PARM1: variants seen among roughly 807,000 people sequenced by gnomAD.
PARM1 encodes prostate androgen-regulated mucin-like protein 1, also known as WSC4, cell wall integrity and stress response component 4 homolog.
A neutral mutation model predicts 24.6 loss-of-function variants in PARM1; 14 were observed. That is an observed-to-expected ratio of 0.57 (90% CI 0.38 to 0.89). PARM1 has a LOEUF of 0.89. PARM1 is among the 40% of genes least tolerant of loss of function. The pLI is 0.00. For synonymous variants in PARM1, 179 were observed against 156.6 expected, an observed-to-expected ratio of 1.14 and a Z score of -1.07; for missense variants, 362 against 380.4, an observed-to-expected ratio of 0.95 and a Z score of 0.40.
In PARM1 at chr4:75,012,747, G is replaced by A; in HGVS notation, c.366G>A (p.Leu122=). 1 of 1,613,958 alleles carries A rather than the reference G, an allele frequency of 6.2e-7. No homozygotes were observed. Among genetic ancestry groups the A allele is most frequent in the Non-Finnish European group, 8.5e-7 (1 of 1,179,882 alleles). ...GTGGAGTCCACTTAACAACCACGTT[G>A]GAGGAACACAGCTCGGGCACTCCTG... The part of the protein sequence containing the change: ...TSGGVHLTTT[L]EEHSSGTPEA... The change falls in exon 2 of 4, where the codon TTG becomes TTA. Residue 122 remains leucine (L), a synonymous_variant. Transcript: ENST00000307428.
In PARM1 at chr4:74,933,168, C is replaced by CGCCTCGTTT. The variant is rs1484868594; in HGVS notation, c.-153_-145dup. 8.4e-6 allele frequency: 5 copies of CGCCTCGTTT among 597,388 alleles called. No homozygotes were observed. Among genetic ancestry groups the CGCCTCGTTT allele is most frequent in the African/African-American group, 7.7e-5 (4 of 52,218 alleles). 37.0% of individuals were successfully genotyped at this position (597,388 alleles called of 1,614,324 possible). A position where few individuals can be genotyped will look rare whatever the true frequency, so the allele number is the denominator to read the frequency against. ...GCAGCTGACGGAGCTGCGCTGCGTT[C>CGCCTCGTTT]GCCTCGTTTGCCTCGCGCCCTCCAC... On this transcript the variant is annotated 5_prime_UTR_variant, in exon 1 of 4. Transcript: ENST00000307428.
In PARM1 at chr4:75,046,445, G is replaced by GGTGA; in HGVS notation, c.*202_*205dup. On this transcript the variant is annotated 3_prime_UTR_variant, in exon 4 of 4. Coordinates refer to ENST00000307428, the MANE Select transcript of PARM1 (RefSeq NM_015393.4). ...GGTACAAGAAGAACCATTCTTTAAAGGTGAGTGGAGGCTGATTTGCAGCTG... is the reference window on the plus strand; with the variant it reads ...GGTACAAGAAGAACCATTCTTTAAAGGTGAGTGAGTGGAGGCTGATTTGCAGCTG... 2.1e-6 allele frequency: 1 copy of GGTGA among 480,478 alleles called. No homozygotes were observed. Among genetic ancestry groups the GGTGA allele is most frequent in the Non-Finnish European group, 3.8e-6 (1 of 263,736 alleles). 29.8% of individuals were successfully genotyped at this position (480,478 alleles called of 1,614,324 possible).
intron 1 of PARM1, among the ~76,000 whole-genome samples, chr4:75,000,480 T>C (rs1015457885): frequency 6.6e-6 from 1 of 152,158 alleles, no homozygotes; most frequent in African/African-American, 2.4e-5. Context: ...TTAGTGGGTT[T>C]ACTGGCATCC....
intron 1 of PARM1, among the ~76,000 whole-genome samples, chr4:75,006,853 C>T (rs1722778592): frequency 6.6e-6 from 1 of 152,154 alleles, no homozygotes; most frequent in Admixed American, 6.5e-5. Flanking sequence ...GCAATGGCAA[C>T]AAAAGCCAAA....
At chr4:75,013,211 C>A in intron 2 of PARM1, 61 bp downstream of exon 2, 1 of 1,507,914 alleles carries the variant, frequency 6.6e-7, no homozygotes, top group Non-Finnish European at 9.0e-7. Flanking sequence ...GAATGCAGTT[C>A]AGTGAACCAA....
chr4:75,023,035 T>G (rs189883553), intron 2 of PARM1, among the ~76,000 whole-genome samples: 35 of 152,346 alleles, frequency 2.3e-4, no homozygotes, highest in Admixed American at 3.9e-4. Flanking sequence ...CTCATGGCCT[T>G]CAAGGGGTAG....
rs201540216 is a variant in PARM1 at position 74,948,634 on chromosome 4, CAA to C, written c.43+15268_43+15269del. On this transcript the variant is annotated intron_variant, in intron 1 of 3. Coordinates refer to ENST00000307428, the MANE Select transcript of PARM1 (RefSeq NM_015393.4). ...GAGTCATGGTGAATGCACTGGACAC[CAA>C]AAAGACACAGAGGAAACACAGGAGA... Among the ~76,000 whole-genome samples, 1,035 of 152,176 alleles carry C rather than the reference CAA, an allele frequency of 6.8e-3. 13 individuals are homozygous for C. The highest frequency in any genetic ancestry group is 0.024 in the African/African-American group (976 of 41,508).
intron 2 of PARM1, 50 bp downstream of exon 2, chr4:75,013,200 A>G (rs1345632793): frequency 6.5e-7 from 1 of 1,547,902 alleles, no homozygotes; most frequent in East Asian, 2.3e-5. Flanking sequence ...CCTCACATTA[A>G]GAATGCAGTT....
intron 3 of PARM1, chr4:75,034,918 C>T (rs1723340301): frequency 6.6e-6 from 1 of 152,466 alleles, no homozygotes; most frequent in Non-Finnish European, 1.5e-5. Flanking sequence ...GGCCCTCAGT[C>T]ATCCTGGACC....
chr4:75,040,446 A>G (rs1723460224), intron 3 of PARM1, among the ~76,000 whole-genome samples: 1 of 152,240 alleles, frequency 6.6e-6, no homozygotes, highest in African/African-American at 2.4e-5. Flanking sequence ...GTCTGGAAAA[A>G]AAAAGGATTT....
chr4:74,963,044 T>C (rs1292091519), intron 1 of PARM1, among the ~76,000 whole-genome samples: 3 of 152,206 alleles, frequency 2.0e-5, no homozygotes, highest in Non-Finnish European at 4.4e-5. Flanking sequence ...GTCTGGCATT[T>C]TCTCTGCTAG....
At chr4:74,969,674 A>G (rs1004229233) in intron 1 of PARM1, 1 of 152,212 alleles carries the variant, frequency 6.6e-6, no homozygotes, top group Admixed American at 6.5e-5. Flanking sequence ...AGAAAATAAA[A>G]GTTAAAAGAC....
At chr4:74,969,377 A>G (rs919538158) in intron 1 of PARM1, 2 of 152,410 alleles carry the variant, frequency 1.3e-5, no homozygotes, top group Non-Finnish European at 1.5e-5. Context: ...GCCAGAAAAT[A>G]TAGTACAGCA....
chr4:75,031,178 T>C (rs1723268219), intron 2 of PARM1, among the ~76,000 whole-genome samples: 1 of 152,230 alleles, frequency 6.6e-6, no homozygotes, highest in Admixed American at 6.5e-5. Context: ...AAAGGTTTTC[T>C]GCTTTTGGAG....
intron 1 of PARM1, among the ~76,000 whole-genome samples, chr4:75,009,910 A>G (rs953259138): frequency 1.3e-5 from 2 of 152,208 alleles, no homozygotes; most frequent in Non-Finnish European, 2.9e-5. Flanking sequence ...CACTTCTCTT[A>G]TTGTGAAAGA....
intron 3 of PARM1, among the ~76,000 whole-genome samples, chr4:75,042,571 G>A (rs1723511365): frequency 6.6e-6 from 1 of 151,616 alleles, no homozygotes; most frequent in South Asian, 2.1e-4. Context: ...TTGTTTTTTG[G>A]TTTCTGATTG....
intron 1 of PARM1, among the ~76,000 whole-genome samples, chr4:74,973,450 C>T (rs1722079049): frequency 7.3e-6 from 1 of 136,434 alleles, no homozygotes; most frequent in South Asian, 2.4e-4. Context: ...GAAACTCTCC[C>T]TCCCAACCCC....
At chr4:75,029,117 G>C (rs1723232443) in intron 2 of PARM1, among the ~76,000 whole-genome samples, 1 of 152,156 alleles carries the variant, frequency 6.6e-6, no homozygotes, top group African/African-American at 2.4e-5. Context: ...GGGGATGTGT[G>C]AGTGTGGGGA....
chr4:75,014,027 G>A (rs73828408), intron 2 of PARM1, among the ~76,000 whole-genome samples: 4,445 of 152,176 alleles, frequency 0.029, 215 homozygotes, highest in African/African-American at 0.1. Flanking sequence ...GAAGTTAGAG[G>A]GGGAAATGGA....
Sources: allele counts gnomAD v4.1 joint callset (sites outside exome capture counted in the v4.1 genomes callset), GRCh38; gene constraint gnomAD v4.1.1; transcripts MANE v1.5; gene names NCBI Gene and HGNC (gene_info 2026-07-23, HGNC 2026-07-21).